The following NEGR1 variants were observed in gnomAD, a reference collection of about 807,000 sequenced individuals.
NEGR1 encodes the protein neuronal growth regulator 1, also known as IgLON family member 4.
Under a neutral mutation model 40.9 loss-of-function variants are expected in NEGR1, and 10 were observed. The observed-to-expected ratio is 0.24, with a 90% CI of 0.15 to 0.42. The LOEUF (loss-of-function observed/expected upper bound fraction) is 0.42. Ranked by LOEUF, NEGR1 falls within the 10% of genes least tolerant of loss-of-function variation. The pLI is 1.00. For missense variants in NEGR1, 352 were observed against 438.9 expected, an observed-to-expected ratio of 0.80 and a Z score of 1.77; for synonymous variants, 185 against 166.8, an observed-to-expected ratio of 1.11 and a Z score of -0.84.
At chr1:71,937,584 G>A (rs1204902849) in intron 1 of NEGR1, among the ~76,000 whole-genome samples, 2 of 152,176 alleles carry the variant, frequency 1.3e-5, no homozygotes, top group African/African-American at 2.4e-5. Context: ...CCTAAGCCAC[G>A]ATATTAGTGG....
chr1:71,948,770 A>G (rs1646043568), intron 1 of NEGR1, among the ~76,000 whole-genome samples: 1 of 151,998 alleles, frequency 6.6e-6, no homozygotes, highest in African/African-American at 2.4e-5. Context: ...GCTGGCTCAG[A>G]AATGCGAGTA....
intron 6 of NEGR1, among the ~76,000 whole-genome samples, chr1:71,537,852 T>A (rs1647559362): frequency 6.6e-6 from 1 of 151,736 alleles, no homozygotes; most frequent in African/African-American, 2.4e-5. Context: ...AGTGAAATAT[T>A]CTTCACGAGG....
At chr1:72,266,399 T>C (rs1196436132) in intron 1 of NEGR1, among the ~76,000 whole-genome samples, 2 of 150,848 alleles carry the variant, frequency 1.3e-5, no homozygotes, top group Non-Finnish European at 3.0e-5. Flanking sequence ...AGGATTCTAC[T>C]GAGAGAAACA....
chr1:71,511,244 G>A (rs1647070775), intron 6 of NEGR1, among the ~76,000 whole-genome samples: 1 of 152,204 alleles, frequency 6.6e-6, no homozygotes, highest in Non-Finnish European at 1.5e-5. Flanking sequence ...GCTGAAGTAA[G>A]TTTTGAGAAT....
chr1:71,492,734 G>C (rs905466191), intron 6 of NEGR1, among the ~76,000 whole-genome samples: 11 of 151,988 alleles, frequency 7.2e-5, no homozygotes, highest in Admixed American at 2.6e-4. Context: ...CTTTGACTTT[G>C]TTTTCAAGAA....
At chr1:71,499,950 A>T (rs111580117) in intron 6 of NEGR1, among the ~76,000 whole-genome samples, 205 of 152,274 alleles carry the variant, frequency 1.3e-3, no homozygotes, top group African/African-American at 4.6e-3. Flanking sequence ...AATCACAGCT[A>T]TCATAATGAT....
intron 5 of NEGR1, among the ~76,000 whole-genome samples, chr1:71,597,439 T>TCC (rs1649753141): frequency 1.0e-4 from 2 of 19,836 alleles, no homozygotes; most frequent in East Asian, 5.1e-3. Flanking sequence ...TATGTCTCTC[T>TCC]CTCTCTCTCT....
chr1:71,859,752 G>C (rs563896057), intron 2 of NEGR1, among the ~76,000 whole-genome samples: 2 of 151,916 alleles, frequency 1.3e-5, no homozygotes, highest in African/African-American at 4.8e-5. Context: ...CTATCACAAG[G>C]GTTTTAGTTC....
At chr1:71,842,654 G>A (rs896316825) in intron 2 of NEGR1, among the ~76,000 whole-genome samples, 1 of 152,098 alleles carries the variant, frequency 6.6e-6, no homozygotes, top group African/African-American at 2.4e-5. Context: ...TGTGTGAAAG[G>A]AAATCTTGAA....
At chr1:71,952,274 T>A (rs1646077538) in intron 1 of NEGR1, among the ~76,000 whole-genome samples, 1 of 151,976 alleles carries the variant, frequency 6.6e-6, no homozygotes, top group East Asian at 1.9e-4. Context: ...TAAAGGAAAT[T>A]AAAATTGCTA....
chr1:71,820,754 C>T (rs1658401871), intron 2 of NEGR1, among the ~76,000 whole-genome samples: 1 of 151,970 alleles, frequency 6.6e-6, no homozygotes, highest in African/African-American at 2.4e-5. Flanking sequence ...CTGCTCCTTC[C>T]ATCCTTCAAC....
At chr1:71,921,818 A>G (rs1211479154) in intron 2 of NEGR1, among the ~76,000 whole-genome samples, 1 of 150,976 alleles carries the variant, frequency 6.6e-6, no homozygotes. Context: ...GTTATTGGTA[A>G]GGCTTCCAGT....
intron 1 of NEGR1, among the ~76,000 whole-genome samples, chr1:72,235,050 G>A: frequency 6.6e-6 from 1 of 152,216 alleles, no homozygotes; most frequent in South Asian, 2.1e-4. Context: ...AAGAAAATAT[G>A]TTATATATAC....
chr1:71,611,210 G>A (rs1650238479), intron 4 of NEGR1, 64 bp from the exon 5 acceptor site: 3 of 1,435,798 alleles, frequency 2.1e-6, no homozygotes, highest in African/African-American at 1.4e-5. Flanking sequence ...ACAGAAATAT[G>A]ACACACATAT....
At chr1:71,545,636 T>C (rs1441818393) in intron 6 of NEGR1, among the ~76,000 whole-genome samples, 2 of 151,660 alleles carry the variant, frequency 1.3e-5, no homozygotes, top group Non-Finnish European at 2.9e-5. Flanking sequence ...TTTTTCAGAA[T>C]ATGATTCATT....
intron 2 of NEGR1, among the ~76,000 whole-genome samples, chr1:71,822,017 AG>A (rs201960395): frequency 2.4e-4 from 36 of 151,940 alleles, no homozygotes; most frequent in African/African-American, 6.5e-4. Flanking sequence ...GGTTTCCAGA[AG>A]GGTTTTTTTT....
intron 1 of NEGR1, among the ~76,000 whole-genome samples, chr1:72,266,153 C>T (rs1191073041): frequency 6.6e-6 from 1 of 150,698 alleles, no homozygotes; most frequent in Non-Finnish European, 1.5e-5. Context: ...TGCCCTTGGC[C>T]TCACAAAACT....
rs1345430692 is a variant in NEGR1, at chr1:72,211,689, G to C, written c.176+70630C>G. Reference sequence around the variant, plus strand: ...ATGAACTAATAATAAATGTTTTAAAGTTCTCCATTCTAATTTCCAGTAAGA... The same window carrying C: ...ATGAACTAATAATAAATGTTTTAAACTTCTCCATTCTAATTTCCAGTAAGA... On this transcript the variant is annotated intron_variant, in intron 1 of 6. Coordinates refer to ENST00000357731, the MANE Select transcript of NEGR1 (RefSeq NM_173808.3). Among the ~76,000 whole-genome samples, 3 of 151,476 alleles carry C rather than the reference G, an allele frequency of 2.0e-5. No homozygotes were observed. The East Asian group carries it at 5.8e-4, about 29-fold the overall frequency.
intron 5 of NEGR1, among the ~76,000 whole-genome samples, chr1:71,610,031 T>A (rs1650203464): frequency 6.6e-6 from 1 of 152,210 alleles, no homozygotes; most frequent in Non-Finnish European, 1.5e-5. Flanking sequence ...CCCCTTCCAC[T>A]GTGATTGTAA....
Sources: allele counts gnomAD v4.1 joint callset (sites outside exome capture counted in the v4.1 genomes callset), GRCh38; gene constraint gnomAD v4.1.1; transcripts MANE v1.5; gene names NCBI Gene and HGNC (gene_info 2026-07-23, HGNC 2026-07-21).